Variants in SLC8A1 observed in about 807,000 individuals in gnomAD.
SLC8A1 encodes solute carrier family 8 member A1.
Under a neutral mutation model 68.3 loss-of-function variants are expected in SLC8A1, and 18 were observed. The observed-to-expected ratio is 0.26, with a 90% CI of 0.18 to 0.39. The LOEUF is 0.39. Ranked by LOEUF, SLC8A1 falls within the 10% of genes least tolerant of loss-of-function variation. The probability of loss-of-function intolerance (pLI) is 1.00; values close to 1 mark genes in which losing one functional copy is unlikely to be tolerated. For missense variants in SLC8A1, 985 were observed against 1,156.7 expected (o/e 0.85, Z 2.15); for synonymous variants, 475 against 415.5 (o/e 1.14, Z -1.74).
intron 3 of SLC8A1, among the ~76,000 whole-genome samples, chr2:40,177,587 G>T (rs1280116888): frequency 6.6e-6 from 1 of 152,156 alleles, no homozygotes. Context: ...GTTGCCTGTT[G>T]CACTTGTGAA....
intron 1 of SLC8A1, among the ~76,000 whole-genome samples, chr2:40,471,765 C>T (rs923765201): frequency 1.3e-5 from 2 of 152,088 alleles, no homozygotes; most frequent in Non-Finnish European, 2.9e-5. Flanking sequence ...TTTGAAATTA[C>T]AAATAGTAAA....
intron 2 of SLC8A1, among the ~76,000 whole-genome samples, chr2:40,362,322 A>G (rs1028684609): frequency 6.6e-6 from 1 of 152,158 alleles, no homozygotes; most frequent in Non-Finnish European, 1.5e-5. Context: ...TTCCAGGGAC[A>G]CAAAACCAGT....
At chr2:40,389,667 T>C (rs1684674346) in intron 2 of SLC8A1, among the ~76,000 whole-genome samples, 1 of 151,926 alleles carries the variant, frequency 6.6e-6, no homozygotes, top group Non-Finnish European at 1.5e-5. Context: ...GCCTTTCCAA[T>C]TCCCATGTCA....
chr2:40,143,464 G>T (rs1441984714), intron 6 of SLC8A1, among the ~76,000 whole-genome samples: 3 of 152,016 alleles, frequency 2.0e-5, no homozygotes, highest in Admixed American at 6.6e-5. Context: ...CAGGTTGGTG[G>T]GTTTGCTTTT....
intron 2 of SLC8A1, among the ~76,000 whole-genome samples, chr2:40,408,651 G>T (rs1309463612): frequency 3.9e-5 from 6 of 152,132 alleles, no homozygotes; most frequent in African/African-American, 7.2e-5. Flanking sequence ...AGCTTCTAAT[G>T]AACAAGTTTC....
chr2:40,262,622 A>G (rs2064858946), intron 2 of SLC8A1, among the ~76,000 whole-genome samples: 1 of 152,224 alleles, frequency 6.6e-6, no homozygotes, highest in South Asian at 2.1e-4. Context: ...GTATGCATTT[A>G]TTCATTCAAG....
At chr2:40,439,329 A>G (rs752939995) in intron 1 of SLC8A1, among the ~76,000 whole-genome samples, 3 of 152,144 alleles carry the variant, frequency 2.0e-5, no homozygotes, top group Non-Finnish European at 4.4e-5. Flanking sequence ...TCTATATCCA[A>G]ACCCTAAGTA....
At chr2:40,272,906 T>C (rs2066225704) in intron 2 of SLC8A1, among the ~76,000 whole-genome samples, 1 of 152,154 alleles carries the variant, frequency 6.6e-6, no homozygotes, top group Non-Finnish European at 1.5e-5. Context: ...CAAAGTTAGT[T>C]TGGGCTATAT....
intron 2 of SLC8A1, among the ~76,000 whole-genome samples, chr2:40,400,610 G>A (rs1688429400): frequency 6.6e-6 from 1 of 152,260 alleles, no homozygotes; most frequent in Middle Eastern, 3.4e-3. Context: ...AGGCAGACAG[G>A]GAGGAAATGA....
At chr2:40,371,867 G>A (rs541702863) in intron 2 of SLC8A1, among the ~76,000 whole-genome samples, 14 of 152,078 alleles carry the variant, frequency 9.2e-5, no homozygotes, top group South Asian at 6.2e-4. Context: ...CAGACAATAC[G>A]GTTTTACAAC....
chr2:40,392,543 A>G (rs1224678639), intron 2 of SLC8A1, among the ~76,000 whole-genome samples: 4 of 152,154 alleles, frequency 2.6e-5, no homozygotes, highest in African/African-American at 9.6e-5. Flanking sequence ...GCAGCTTGAC[A>G]TAACAGGCTG....
At chr2:40,282,926 T>C (rs569273910) in intron 2 of SLC8A1, among the ~76,000 whole-genome samples, 1 of 152,312 alleles carries the variant, frequency 6.6e-6, no homozygotes, top group Admixed American at 6.5e-5. Flanking sequence ...TTCGTCTGTA[T>C]AGTGATGGCC....
intron 7 of SLC8A1, among the ~76,000 whole-genome samples, chr2:40,130,591 G>T (rs911180402): frequency 6.6e-6 from 1 of 152,176 alleles, no homozygotes; most frequent in Non-Finnish European, 1.5e-5. Context: ...GAACTTTTTT[G>T]GTAGTAAAGA....
chr2:40,172,913 G>C (rs912903070), intron 4 of SLC8A1, among the ~76,000 whole-genome samples: 3 of 152,136 alleles, frequency 2.0e-5, no homozygotes, highest in Admixed American at 1.3e-4. Flanking sequence ...CTGTACTCCA[G>C]CCTGGCAACA....
intron 2 of SLC8A1, among the ~76,000 whole-genome samples, chr2:40,314,311 T>C (rs1382147926): frequency 6.6e-6 from 1 of 152,080 alleles, no homozygotes; most frequent in Non-Finnish European, 1.5e-5. Context: ...AACCAGTTTA[T>C]TCATATATGT....
chr2:40,292,056 T>C (rs1359442624), intron 2 of SLC8A1, among the ~76,000 whole-genome samples: 3 of 152,114 alleles, frequency 2.0e-5, no homozygotes, highest in Non-Finnish European at 4.4e-5. Flanking sequence ...TTCTAGTCTT[T>C]ACAAGTACAT....
At chr2:40,464,390 C>G (rs564993208) in intron 1 of SLC8A1, among the ~76,000 whole-genome samples, 175 of 152,298 alleles carry the variant, frequency 1.1e-3, no homozygotes, top group African/African-American at 4.2e-3. Context: ...TAAGTTTTCT[C>G]CATTGTGGCA....
chr2:40,158,130 G>T (rs1395984292), intron 6 of SLC8A1, among the ~76,000 whole-genome samples: 1 of 152,114 alleles, frequency 6.6e-6, no homozygotes, highest in Admixed American at 6.6e-5. Context: ...TCTCAGTAGA[G>T]CCCTTTAAAA....
intron 2 of SLC8A1, among the ~76,000 whole-genome samples, chr2:40,252,985 GTA>G (rs1217408872): frequency 7.2e-6 from 1 of 138,842 alleles, no homozygotes; most frequent in Non-Finnish European, 1.5e-5. Context: ...ATATGTATCT[GTA>G]TATATGTATA....
Sources: allele counts gnomAD v4.1 joint callset (sites outside exome capture counted in the v4.1 genomes callset), GRCh38; gene constraint gnomAD v4.1.1; transcripts MANE v1.5; gene names NCBI Gene and HGNC (gene_info 2026-07-23, HGNC 2026-07-21).